The following PRELID2 variants were observed in gnomAD, a reference collection of about 807,000 sequenced individuals.
PRELID2 encodes the protein PRELI domain containing 2.
A neutral mutation model predicts 28.4 loss-of-function variants in PRELID2; 25 were observed. The ratio of observed to expected loss-of-function variants is 0.88; its 90% confidence interval spans 0.64 to 1.23. PRELID2 has a LOEUF of 1.23. PRELID2 is among the 50% of genes most tolerant of loss of function. The pLI, the probability that PRELID2 is intolerant of heterozygous loss-of-function variation, is 0.00. For missense variants in PRELID2, 201 were observed against 214.4 expected, an observed-to-expected ratio of 0.94 and a Z score of 0.39; for synonymous variants, 76 against 71.6, an observed-to-expected ratio of 1.06 and a Z score of -0.31.
rs1754761991 is a variant in PRELID2 at position 145,821,152 on chromosome 5, G to GTGTGTGTGTGTGTGTGTGTGT, written c.134-1135_134-1134insACACACACACACACACACACA. 6.8e-5 allele frequency among the ~76,000 whole-genome samples: 6 copies of GTGTGTGTGTGTGTGTGTGTGT among 88,264 alleles called. No homozygotes were observed. The East Asian group carries it at 1.1e-3, about 16-fold the overall frequency. 57.9% of individuals were successfully genotyped at this position (88,264 alleles called of 152,430 possible). On this transcript the variant is annotated intron_variant, in intron 2 of 6. Coordinates refer to ENST00000683046, the MANE Select transcript of PRELID2 (RefSeq NM_205846.3). The stretch of plus-strand genomic sequence containing the variant: ...ACCTGATGGTCATCCAACTCTCCTG[G>GTGTGTGTGTGTGTGTGTGTGT]GTGTGTGTGTGTGTGTGTGTGTGTG...
At chr5:145,650,905 T>C (rs10477282) in intron 1 of PRELID2, among the ~76,000 whole-genome samples, 10,901 of 151,846 alleles carry the variant, frequency 0.072, 994 homozygotes, top group African/African-American at 0.21. Context: ...TGTCAGACAG[T>C]GGGTGCAGGA....
At chr5:145,722,602 G>A (rs933002515) in intron 1 of PRELID2, among the ~76,000 whole-genome samples, 5 of 152,194 alleles carry the variant, frequency 3.3e-5, no homozygotes, top group East Asian at 1.9e-4. Context: ...GGGTTCAAGC[G>A]ATTCTCCTGC....
intron 1 of PRELID2, among the ~76,000 whole-genome samples, chr5:145,651,775 C>T (rs1162635572): frequency 6.6e-6 from 1 of 152,080 alleles, no homozygotes; most frequent in African/African-American, 2.4e-5. Flanking sequence ...CATCAAAGAC[C>T]AAGGTAGATA....
At chr5:145,819,387 A>G (rs1248355923) in intron 3 of PRELID2, 2 of 1,603,728 alleles carry the variant, frequency 1.2e-6, no homozygotes, top group African/African-American at 2.7e-5. Context: ...ACCTTTTTCC[A>G]ACAAAGAATC....
intron 1 of PRELID2, among the ~76,000 whole-genome samples, chr5:145,612,863 T>C (rs557038652): frequency 3.3e-5 from 5 of 152,210 alleles, no homozygotes. Flanking sequence ...TGTTGATTGG[T>C]GGACATTTGG....
the PRELID2 span, among the ~76,000 whole-genome samples, chr5:145,298,544 G>A: frequency 2.0e-5 from 3 of 152,108 alleles, no homozygotes; most frequent in African/African-American, 7.2e-5. Context: ...GGCCTTGAAG[G>A]CTTTGTTCTC....
chr5:145,572,030 AT>A (rs996411933), intron 1 of PRELID2, among the ~76,000 whole-genome samples: 2 of 152,192 alleles, frequency 1.3e-5, no homozygotes, highest in South Asian at 2.1e-4. Context: ...TTTACAATCT[AT>A]TTTTTTAAGC....
At chr5:145,822,708 C>CA (rs1581277570) in intron 2 of PRELID2, among the ~76,000 whole-genome samples, 1 of 152,180 alleles carries the variant, frequency 6.6e-6, no homozygotes, top group East Asian at 1.9e-4. Flanking sequence ...AGTAGTCTAA[C>CA]ACCTATTCCA....
At chr5:145,426,320 G>C in the PRELID2 span, among the ~76,000 whole-genome samples, 1 of 152,126 alleles carries the variant, frequency 6.6e-6, no homozygotes, top group Non-Finnish European at 1.5e-5. Flanking sequence ...TTTCATCTCG[G>C]TGAGGAAAAG....
At chr5:145,295,530 T>C in the PRELID2 span, among the ~76,000 whole-genome samples, 1 of 152,108 alleles carries the variant, frequency 6.6e-6, no homozygotes, top group African/African-American at 2.4e-5. Flanking sequence ...GATCCAAGTG[T>C]TGATATAGTA....
chr5:145,394,767 T>C, the PRELID2 span, among the ~76,000 whole-genome samples: 1 of 152,076 alleles, frequency 6.6e-6, no homozygotes, highest in Non-Finnish European at 1.5e-5. Context: ...CAGAAAAGTG[T>C]GGTGGTTAGG....
intron 1 of PRELID2, among the ~76,000 whole-genome samples, chr5:145,592,450 A>G (rs1317837257): frequency 6.8e-6 from 1 of 148,086 alleles, no homozygotes; most frequent in Non-Finnish European, 1.5e-5. Flanking sequence ...GTATATTTCT[A>G]TATAAATATA....
At chr5:145,762,632 T>C (rs1757530598) in intron 6 of PRELID2, among the ~76,000 whole-genome samples, 3 of 152,180 alleles carry the variant, frequency 2.0e-5, no homozygotes, top group Admixed American at 2.0e-4. Flanking sequence ...CTACCAACAA[T>C]TTAAATCCAA....
chr5:145,727,228 G>A (rs1460079057), intron 1 of PRELID2, among the ~76,000 whole-genome samples: 1 of 152,158 alleles, frequency 6.6e-6, no homozygotes, highest in African/African-American at 2.4e-5. Context: ...GAAGCAAGGA[G>A]CCAGCAAGTC....
In PRELID2 at chr5:145,517,687, C is replaced by T. The variant is rs138936561; in HGVS notation, n.71-44372G>A. Among the ~76,000 whole-genome samples, 28 of 152,232 alleles carry T rather than the reference C, an allele frequency of 1.8e-4. No homozygotes were observed. The East Asian group carries it at 4.2e-3, about 23-fold the overall frequency. Reference sequence around the variant, plus strand: ...AATTATTCTACTATAAAGACACATGCACATGTATGTTTATTGTAGCACTGT... The same window carrying T: ...AATTATTCTACTATAAAGACACATGTACATGTATGTTTATTGTAGCACTGT... On this transcript the variant is annotated intron_variant and non_coding_transcript_variant, in intron 1 of 2. Transcript: ENST00000510259.
At chr5:145,797,735 T>C (rs1752862284) in intron 4 of PRELID2, among the ~76,000 whole-genome samples, 1 of 152,032 alleles carries the variant, frequency 6.6e-6, no homozygotes, top group African/African-American at 2.4e-5. Flanking sequence ...AGGTCTTCCC[T>C]GTATGAAGCC....
intron 1 of PRELID2, among the ~76,000 whole-genome samples, chr5:145,667,545 T>C (rs1410728785): frequency 6.6e-6 from 1 of 152,042 alleles, no homozygotes; most frequent in Non-Finnish European, 1.5e-5. Flanking sequence ...GCTCAGTGAG[T>C]GACAGAGTCA....
At chr5:145,815,375 T>C (rs1415306086) in intron 4 of PRELID2, among the ~76,000 whole-genome samples, 2 of 152,242 alleles carry the variant, frequency 1.3e-5, no homozygotes, top group African/African-American at 4.8e-5. Flanking sequence ...AAAGTATGCA[T>C]GTCCTGAGAA....
At chr5:145,380,693 C>A in the PRELID2 span, among the ~76,000 whole-genome samples, 1 of 152,124 alleles carries the variant, frequency 6.6e-6, no homozygotes, top group Admixed American at 6.5e-5. Context: ...TACAGTAGAG[C>A]TATTTTTGGA....
Sources: allele counts gnomAD v4.1 joint callset (sites outside exome capture counted in the v4.1 genomes callset), GRCh38; gene constraint gnomAD v4.1.1; transcripts MANE v1.5; gene names NCBI Gene and HGNC (gene_info 2026-07-23, HGNC 2026-07-21).